The following CCDC192 variants were observed in gnomAD, a reference collection of about 807,000 sequenced individuals.
The protein encoded by CCDC192 is coiled-coil domain-containing protein 192.
intron 6 of CCDC192, among the ~76,000 whole-genome samples, chr5:127,883,839 A>G (rs989981255): frequency 2.6e-5 from 4 of 152,228 alleles, no homozygotes; most frequent in Admixed American, 2.6e-4. Context: ...TGCAAGTGAC[A>G]GAAACCAAAA....
At chr5:127,839,827 A>T (rs1440292810) in intron 5 of CCDC192, among the ~76,000 whole-genome samples, 1 of 152,134 alleles carries the variant, frequency 6.6e-6, no homozygotes, top group Non-Finnish European at 1.5e-5. Flanking sequence ...TTATGTACAA[A>T]TAAGAGTTTT....
At chr5:127,884,392 CAAA>C (rs372054209) in intron 6 of CCDC192, among the ~76,000 whole-genome samples, 1 of 101,776 alleles carries the variant, frequency 9.8e-6, no homozygotes, top group Non-Finnish European at 2.2e-5. Context: ...GACTGCATCT[CAAA>C]AAAAAAAAAA....
chr5:127,773,683 A>G lies in CCDC192; in HGVS notation c.222+19308A>G, dbSNP rs147663917. Among the ~76,000 whole-genome samples the G allele has an allele frequency of 6.9e-3, 1,047 of 152,282 alleles. 13 individuals are homozygous for G. The highest frequency in any genetic ancestry group is 0.024 in the African/African-American group (1,002 of 41,544). ...AATTTGTTTATCCACTCATCTGTTG[A>G]TGGACATTTGGTTTCCAACTTTTAG... On this transcript the variant is annotated intron_variant, in intron 3 of 6. Coordinates refer to ENST00000514853, the MANE Select transcript of CCDC192 (RefSeq NM_001317938.2).
chr5:127,871,845 TAGG>T (rs1751877358), intron 5 of CCDC192, among the ~76,000 whole-genome samples: 3 of 152,162 alleles, frequency 2.0e-5, no homozygotes, highest in Non-Finnish European at 4.4e-5. Context: ...TTCCACCCGG[TAGG>T]AGAAGTAGGA....
intron 3 of CCDC192, among the ~76,000 whole-genome samples, chr5:127,770,966 G>A (rs1755516721): frequency 6.6e-6 from 1 of 152,120 alleles, no homozygotes; most frequent in South Asian, 2.1e-4. Context: ...ATAATTCTAT[G>A]GCTGTAAATC....
chr5:127,908,815 C>A (rs1753267884), intron 6 of CCDC192, among the ~76,000 whole-genome samples: 1 of 152,068 alleles, frequency 6.6e-6, no homozygotes. Flanking sequence ...CTTTGGCATC[C>A]AAGTTGAGAT....
intron 3 of CCDC192, among the ~76,000 whole-genome samples, chr5:127,760,069 C>T (rs976366187): frequency 6.6e-6 from 1 of 151,878 alleles, no homozygotes; most frequent in Admixed American, 6.6e-5. Context: ...CCATACCTAG[C>T]AAAATATAGT....
At chr5:127,808,047 A>G (rs957722435) in intron 5 of CCDC192, among the ~76,000 whole-genome samples, 3 of 152,108 alleles carry the variant, frequency 2.0e-5, no homozygotes, top group Non-Finnish European at 2.9e-5. Flanking sequence ...TTATTATTCT[A>G]TTAGGTAGTA....
At chr5:127,849,091 G>A (rs541075568) in intron 5 of CCDC192, among the ~76,000 whole-genome samples, 21 of 152,230 alleles carry the variant, frequency 1.4e-4, no homozygotes, top group Non-Finnish European at 2.4e-4. Context: ...TTAGCAGGGC[G>A]TGGTGACAGG....
intron 2 of CCDC192, among the ~76,000 whole-genome samples, chr5:127,753,058 G>A (rs1754321839): frequency 6.6e-6 from 1 of 152,156 alleles, no homozygotes; most frequent in Non-Finnish European, 1.5e-5. Flanking sequence ...TGGAAATGCA[G>A]AAATCACCCG....
At chr5:127,884,503 C>T (rs376958652) in intron 6 of CCDC192, among the ~76,000 whole-genome samples, 5 of 151,856 alleles carry the variant, frequency 3.3e-5, no homozygotes, top group South Asian at 2.1e-4. Flanking sequence ...CATTAATTCA[C>T]ACCCAACTCC....
At chr5:127,895,460 T>G (rs1167936389) in intron 6 of CCDC192, among the ~76,000 whole-genome samples, 2 of 152,242 alleles carry the variant, frequency 1.3e-5, no homozygotes, top group Non-Finnish European at 2.9e-5. Context: ...TGAATGATTA[T>G]TTGTTTTAAT....
chr5:127,786,355 A>T (rs1756536212), intron 3 of CCDC192: 1 of 632,018 alleles, frequency 1.6e-6, no homozygotes, highest in African/African-American at 1.8e-5. Context: ...AAAGAGAGAG[A>T]TTCAAAGGAT....
At chr5:127,710,429 A>G (rs1361446803) in intron 2 of CCDC192, among the ~76,000 whole-genome samples, 1 of 150,798 alleles carries the variant, frequency 6.6e-6, no homozygotes, top group African/African-American at 2.4e-5. Context: ...AGCAGAATTA[A>G]CCCCGCTCTC....
At chr5:127,902,196 T>C (rs931684656) in intron 6 of CCDC192, among the ~76,000 whole-genome samples, 1 of 152,070 alleles carries the variant, frequency 6.6e-6, no homozygotes, top group Non-Finnish European at 1.5e-5. Context: ...CGCTTAAACC[T>C]GAGATGGGGA....
chr5:127,916,904 A>G (rs1349133216), intron 6 of CCDC192, among the ~76,000 whole-genome samples: 1 of 152,236 alleles, frequency 6.6e-6, no homozygotes, highest in Non-Finnish European at 1.5e-5. Context: ...AACAAGAGTC[A>G]TCCTGCCCTT....
intron 6 of CCDC192, among the ~76,000 whole-genome samples, chr5:127,921,934 C>T (rs967508857): frequency 2.6e-5 from 4 of 152,140 alleles, no homozygotes; most frequent in South Asian, 2.1e-4. Context: ...TAAACATTGT[C>T]GTGCACTAAA....
chr5:127,825,912 G>C (rs1749508816), intron 5 of CCDC192, among the ~76,000 whole-genome samples: 1 of 151,948 alleles, frequency 6.6e-6, no homozygotes, highest in South Asian at 2.1e-4. Flanking sequence ...GTTGATTTTT[G>C]GTTTTTAATT....
upstream of CCDC192, among the ~76,000 whole-genome samples, chr5:127,702,408 A>G (rs1346074947): frequency 6.6e-6 from 1 of 152,214 alleles, no homozygotes. Context: ...TCTATCCAGA[A>G]CAACAACCGC....
Sources: allele counts gnomAD v4.1 joint callset (sites outside exome capture counted in the v4.1 genomes callset), GRCh38; gene constraint gnomAD v4.1.1; transcripts MANE v1.5; gene names NCBI Gene and HGNC (gene_info 2026-07-23, HGNC 2026-07-21).